Variants in RSRC1 observed in about 807,000 individuals in gnomAD.
RSRC1 encodes serine/Arginine-related protein 53.
In RSRC1, 39 loss-of-function variants were observed where a neutral mutation model predicts 49.1. The ratio of observed to expected loss-of-function variants is 0.79; its 90% CI spans 0.61 to 1.04. The LOEUF (loss-of-function observed/expected upper bound fraction) is 1.04. Among genes scored for constraint, RSRC1 ranks in the 50% least tolerant of loss-of-function variants. The pLI is 0.00. For missense variants in RSRC1, 388 were observed against 402.4 expected, an observed-to-expected ratio of 0.96 and a Z score of 0.31; for synonymous variants, 143 against 130.8, an observed-to-expected ratio of 1.09 and a Z score of -0.63.
chr3:158,205,558 G>T (rs942848887), intron 4 of RSRC1, among the ~76,000 whole-genome samples: 31 of 152,162 alleles, frequency 2.0e-4, no homozygotes, highest in African/African-American at 7.2e-4. Flanking sequence ...GTGTAGAAGG[G>T]AAGATATGCA....
At chr3:158,382,084 T>A (rs893841502) in intron 6 of RSRC1, among the ~76,000 whole-genome samples, 16 of 152,076 alleles carry the variant, frequency 1.1e-4, no homozygotes, top group Admixed American at 2.0e-4. Context: ...TTAAAAAAAA[T>A]TTTTTTAACT....
intron 4 of RSRC1, among the ~76,000 whole-genome samples, chr3:158,244,905 T>C (rs1723797934): frequency 6.6e-6 from 1 of 152,040 alleles, no homozygotes. Flanking sequence ...TTCTCATTTG[T>C]ATGCATAAAG....
chr3:158,357,090 G>A (rs1376976286), intron 6 of RSRC1, among the ~76,000 whole-genome samples: 2 of 152,082 alleles, frequency 1.3e-5, no homozygotes, highest in African/African-American at 4.8e-5. Context: ...ACAGACCTTA[G>A]CTAAATACTC....
chr3:158,208,571 A>G (rs183800624), intron 4 of RSRC1, among the ~76,000 whole-genome samples: 6 of 152,218 alleles, frequency 3.9e-5, no homozygotes, highest in African/African-American at 7.2e-5. Flanking sequence ...AAGTCTCACT[A>G]TGTTGACCAG....
intron 7 of RSRC1, among the ~76,000 whole-genome samples, chr3:158,464,166 T>C (rs1393747998): frequency 2.0e-5 from 3 of 152,172 alleles, no homozygotes; most frequent in Non-Finnish European, 4.4e-5. Flanking sequence ...ACTATACTTT[T>C]AAAGTATATA....
intron 6 of RSRC1, among the ~76,000 whole-genome samples, chr3:158,399,889 T>A (rs1341175123): frequency 1.3e-5 from 2 of 152,130 alleles, no homozygotes; most frequent in Admixed American, 1.3e-4. Flanking sequence ...TTTCCTCCAA[T>A]AAACAAGTGC....
At chr3:158,201,457 T>C (rs369746380) in intron 3 of RSRC1, among the ~76,000 whole-genome samples, 6 of 152,302 alleles carry the variant, frequency 3.9e-5, no homozygotes, top group Admixed American at 1.3e-4. Context: ...TGCTTCATCC[T>C]CTGTTTTCTC....
intron 4 of RSRC1, among the ~76,000 whole-genome samples, chr3:158,255,786 G>A (rs770003481): frequency 4.6e-5 from 7 of 152,130 alleles, no homozygotes; most frequent in Admixed American, 4.6e-4. Flanking sequence ...CTTGTAAATT[G>A]GATTCCTAGG....
intron 3 of RSRC1, among the ~76,000 whole-genome samples, chr3:158,199,476 A>G (rs1220692631): frequency 6.6e-6 from 1 of 152,070 alleles, no homozygotes; most frequent in Non-Finnish European, 1.5e-5. Flanking sequence ...TTCTCAGGGT[A>G]CTAGATTTTG....
intron 4 of RSRC1, among the ~76,000 whole-genome samples, chr3:158,260,268 A>G (rs761284878): frequency 2.0e-5 from 3 of 152,098 alleles, no homozygotes; most frequent in African/African-American, 4.8e-5. Flanking sequence ...CTCTTTAGTT[A>G]ACAGTTGATG....
intron 6 of RSRC1, among the ~76,000 whole-genome samples, chr3:158,384,742 C>G (rs1464993949): frequency 6.6e-6 from 1 of 152,088 alleles, no homozygotes; most frequent in Non-Finnish European, 1.5e-5. Context: ...GAAATAAACC[C>G]TAGCCCCTCC....
intron 4 of RSRC1, among the ~76,000 whole-genome samples, chr3:158,211,217 C>G (rs1177867758): frequency 6.6e-6 from 1 of 151,846 alleles, no homozygotes; most frequent in Non-Finnish European, 1.5e-5. Context: ...ATGGAAGACC[C>G]TTGTCTTTGG....
At chr3:158,243,125 T>C (rs1723687495) in intron 4 of RSRC1, among the ~76,000 whole-genome samples, 1 of 152,196 alleles carries the variant, frequency 6.6e-6, no homozygotes, top group Non-Finnish European at 1.5e-5. Flanking sequence ...TCTTTGCCCA[T>C]GCCTATGTCC....
intron 3 of RSRC1, among the ~76,000 whole-genome samples, chr3:158,195,153 G>A (rs1262981834): frequency 1.3e-5 from 2 of 152,122 alleles, no homozygotes; most frequent in Admixed American, 6.6e-5. Flanking sequence ...ATCCTCTCCA[G>A]CATCTGTTGT....
chr3:158,449,983 A>G (rs940119916), intron 6 of RSRC1, among the ~76,000 whole-genome samples: 5 of 151,926 alleles, frequency 3.3e-5, no homozygotes, highest in Non-Finnish European at 7.4e-5. Context: ...TTTTCCTACA[A>G]AAGGTGCTTA....
At chr3:158,515,468 G>T (rs1012969526) in intron 7 of RSRC1, among the ~76,000 whole-genome samples, 1 of 136,938 alleles carries the variant, frequency 7.3e-6, no homozygotes, top group African/African-American at 2.9e-5. Flanking sequence ...CGAGAGATCC[G>T]CTGTTAGTCT....
At chr3:158,380,374 T>C (rs9867152) in intron 6 of RSRC1, among the ~76,000 whole-genome samples, 79,324 of 151,896 alleles carry the variant, frequency 0.52, 21,105 homozygotes, top group African/African-American at 0.61. Context: ...GCTGGAGGAT[T>C]ACTTGAGCCC....
intron 7 of RSRC1, among the ~76,000 whole-genome samples, chr3:158,481,181 C>T (rs1477433759): frequency 6.6e-6 from 1 of 151,994 alleles, no homozygotes; most frequent in African/African-American, 2.4e-5. Flanking sequence ...CCTTAATTGG[C>T]ATAGATTGTT....
intron 3 of RSRC1, among the ~76,000 whole-genome samples, chr3:158,132,467 G>A (rs563926550): frequency 2.0e-5 from 3 of 152,140 alleles, no homozygotes; most frequent in South Asian, 4.2e-4. Context: ...CCCTTTTCTC[G>A]ATTATTGGGT....
Sources: gnomAD v4.1 joint callset for allele counts (sites outside exome capture counted in the v4.1 genomes callset) on GRCh38, gnomAD v4.1.1 for gene constraint, MANE v1.5 for transcripts, NCBI Gene and HGNC (gene_info 2026-07-23, HGNC 2026-07-21) for gene names.